Variants in APPBP2 observed in about 807,000 individuals in gnomAD.
APPBP2 encodes amyloid protein-binding protein 2.
In APPBP2, 15 loss-of-function variants were observed where a neutral mutation model predicts 76.0. The ratio of observed to expected loss-of-function variants is 0.20; its 90% CI spans 0.13 to 0.30. The LOEUF is 0.30. Ranked by LOEUF, APPBP2 falls within the 10% of genes least tolerant of loss-of-function variation. APPBP2 has a pLI of 1.00. For missense variants in APPBP2, 401 were observed against 687.2 expected (o/e 0.58, Z 4.66); for synonymous variants, 222 against 242.2 (o/e 0.92, Z 0.77).
At chr17:60,499,980 A>G (rs2090808952) in intron 2 of APPBP2, among the ~76,000 whole-genome samples, 1 of 151,738 alleles carries the variant, frequency 6.6e-6, no homozygotes, top group Non-Finnish European at 1.5e-5. Flanking sequence ...TCTGGAAATG[A>G]ATGGTGTTGA....
Position 60,446,870 on chromosome 17 carries a change from C to T in APPBP2, c.*711G>A, listed in dbSNP as rs981660952. The T allele has an allele frequency of 2.0e-5, 3 of 152,138 alleles. No homozygotes were observed. The highest frequency in any genetic ancestry group is 7.2e-5 in the African/African-American group (3 of 41,394). The allele number at this position is 152,138 out of a possible 1,614,324, so 9.4% of individuals were successfully genotyped here. On this transcript the variant is annotated 3_prime_UTR_variant, in exon 13 of 13. Coordinates refer to ENST00000083182, the MANE Select transcript of APPBP2 (RefSeq NM_006380.5). The stretch of plus-strand genomic sequence containing the variant: ...TACATTAGGCTGGTCCTTTTTAGAT[C>T]CTCCTGGTCCTGTTAGCAAATGCTA...
At chr17:60,509,919 A>G (rs1010369001) in intron 1 of APPBP2, among the ~76,000 whole-genome samples, 7 of 152,246 alleles carry the variant, frequency 4.6e-5, no homozygotes, top group Admixed American at 1.3e-4. Flanking sequence ...GCCAGAATCG[A>G]TAATTGTTAA....
chr17:60,462,092 C>CA (rs767983575), intron 6 of APPBP2, 31 bp from the exon 7 acceptor site: 1 of 1,543,278 alleles, frequency 6.5e-7, no homozygotes, highest in African/African-American at 1.4e-5. Flanking sequence ...GGTTAACTCT[C>CA]AAACAGTTCA....
chr17:60,452,879 A>T (rs567242117), intron 11 of APPBP2, among the ~76,000 whole-genome samples: 36 of 152,334 alleles, frequency 2.4e-4, no homozygotes, highest in Middle Eastern at 3.4e-3. Flanking sequence ...GGCTGTAGTG[A>T]GCCATGATCA....
chr17:60,476,726 T>G (rs2143372102), intron 4 of APPBP2, among the ~76,000 whole-genome samples: 1 of 152,328 alleles, frequency 6.6e-6, no homozygotes, highest in South Asian at 2.1e-4. Context: ...GACAGCTAGT[T>G]CTGAATTGTT....
chr17:60,505,877 C>T (rs112900818), intron 1 of APPBP2, among the ~76,000 whole-genome samples: 12,260 of 150,550 alleles, frequency 0.081, 1,661 homozygotes, highest in African/African-American at 0.28. Flanking sequence ...AGAGATGGGG[C>T]TTCACCATGT....
chr17:60,514,287 C>T (rs1472759836), intron 1 of APPBP2, among the ~76,000 whole-genome samples: 1 of 152,060 alleles, frequency 6.6e-6, no homozygotes, highest in Non-Finnish European at 1.5e-5. Flanking sequence ...GAGCAAGACC[C>T]TGTCTCAAAA....
At chr17:60,477,895 C>A (rs978226508) in intron 4 of APPBP2, among the ~76,000 whole-genome samples, 1 of 150,944 alleles carries the variant, frequency 6.6e-6, no homozygotes, top group Non-Finnish European at 1.5e-5. Flanking sequence ...AATCCCAGAA[C>A]TTTGGGAGGC....
chr17:60,488,924 T>C (rs576574707), intron 3 of APPBP2, among the ~76,000 whole-genome samples: 2 of 152,310 alleles, frequency 1.3e-5, no homozygotes, highest in South Asian at 4.1e-4. Flanking sequence ...CATAAGACTA[T>C]TTAAAAAATA....
At chr17:60,457,313 C>G (rs73326429) in intron 9 of APPBP2, among the ~76,000 whole-genome samples, 1 of 152,174 alleles carries the variant, frequency 6.6e-6, no homozygotes, top group South Asian at 2.1e-4. Flanking sequence ...CTCTCCCCCA[C>G]CCTCCAGGTA....
chr17:60,462,098 G>A (rs1334804563), intron 6 of APPBP2, 37 bp from the exon 7 acceptor site: 1 of 1,477,400 alleles, frequency 6.8e-7, no homozygotes, highest in East Asian at 2.3e-5. Context: ...CTCTCAAACA[G>A]TTCATTAGTG....
intron 1 of APPBP2, among the ~76,000 whole-genome samples, chr17:60,503,170 G>A (rs1015590965): frequency 3.5e-5 from 5 of 144,624 alleles, no homozygotes; most frequent in East Asian, 3.9e-4. Flanking sequence ...GGGATACCAC[G>A]CCCAGGTAAT....
chr17:60,511,013 T>C (rs1240498377), intron 1 of APPBP2, among the ~76,000 whole-genome samples: 1 of 152,224 alleles, frequency 6.6e-6, no homozygotes, highest in African/African-American at 2.4e-5. Flanking sequence ...GCTCCAACTC[T>C]ATACCTCACT....
At chr17:60,518,927 G>A (rs766857153) in intron 1 of APPBP2, among the ~76,000 whole-genome samples, 2 of 152,132 alleles carry the variant, frequency 1.3e-5, no homozygotes, top group Non-Finnish European at 2.9e-5. Context: ...AAGACAAGAG[G>A]TAAAGATAGA....
intron 1 of APPBP2, chr17:60,513,545 C>A: frequency 2.1e-6 from 1 of 486,856 alleles, no homozygotes; most frequent in South Asian, 2.4e-5. Flanking sequence ...AAGATAGATC[C>A]ACCAAAATCA....
rs915631017 is a variant in APPBP2, at chr17:60,482,531, C to A, written c.380-3260G>T. 5.9e-5 allele frequency among the ~76,000 whole-genome samples: 9 copies of A among 152,248 alleles called. No homozygotes were observed. The East Asian group carries it at 1.7e-3, about 29-fold the overall frequency. ...ACATGTGCCATGTTGGTTTGCTGCA[C>A]CCATCAACTCGTCATTTACATTAGG... On this transcript the variant is annotated intron_variant, in intron 3 of 12. Coordinates refer to ENST00000083182, the MANE Select transcript of APPBP2 (RefSeq NM_006380.5).
intron 3 of APPBP2, among the ~76,000 whole-genome samples, chr17:60,480,971 T>C (rs1372247658): frequency 6.6e-6 from 1 of 152,132 alleles, no homozygotes; most frequent in Admixed American, 6.5e-5. Context: ...TAATAGTCAA[T>C]ACCAGTTGCA....
intron 3 of APPBP2, among the ~76,000 whole-genome samples, chr17:60,485,255 T>C (rs1029602751): frequency 5.3e-5 from 8 of 152,232 alleles, no homozygotes; most frequent in Non-Finnish European, 1.2e-4. Flanking sequence ...CTCTATTGAT[T>C]GGAAAAGTTT....
chr17:60,448,521 C>T (rs2090367785), intron 12 of APPBP2, among the ~76,000 whole-genome samples: 1 of 152,170 alleles, frequency 6.6e-6, no homozygotes, highest in South Asian at 2.1e-4. Context: ...TTCACTGCAA[C>T]AGTATTTGTA....
Sources: allele counts gnomAD v4.1 joint callset (sites outside exome capture counted in the v4.1 genomes callset), GRCh38; gene constraint gnomAD v4.1.1; transcripts MANE v1.5; gene names NCBI Gene and HGNC (gene_info 2026-07-23, HGNC 2026-07-21).